Variants in BOK observed in about 807,000 individuals in gnomAD.
The protein encoded by BOK is BCL2 family apoptosis regulator BOK, also known as bcl-2-related ovarian killer protein.
In BOK, 20 loss-of-function variants were observed where a neutral mutation model predicts 18.3. That is an observed-to-expected ratio of 1.09 (90% CI 0.77 to 1.59). BOK has a LOEUF of 1.59. BOK is among the 40% of genes most tolerant of loss of function. The pLI is 0.00. For synonymous variants in BOK, 173 were observed against 142.4 expected (o/e 1.21, Z -1.53); for missense variants, 348 against 307.9 (o/e 1.13, Z -0.97).
Position 241,562,253 on chromosome 2 carries a change from C to A in BOK, c.221-95C>A. ...GAACAGGCTGGAATTCAAGCATGGT[C>A]AGGTGGGGGTCAGGTGCAGGGTGTG... On this transcript the variant is annotated intron_variant, in intron 2 of 4. Coordinates refer to ENST00000318407, the MANE Select transcript of BOK (RefSeq NM_032515.5). This position sits in a 1 kb window ranked among gnomAD's most constrained non-coding sequence, Gnocchi z 4.5. 3 of 1,434,838 alleles carry A rather than the reference C, an allele frequency of 2.1e-6. No individual in the cohort carries two copies. In the South Asian group the frequency reaches 4.1e-5, roughly 20 times the overall value. 88.9% of individuals were successfully genotyped at this position (1,434,838 alleles called of 1,614,324 possible). A position where few individuals can be genotyped will look rare whatever the true frequency, so the allele number is the denominator to read the frequency against.
At chr2:241,571,156 AC>A (rs2066712025) in intron 4 of BOK, among the ~76,000 whole-genome samples, 1 of 151,946 alleles carries the variant, frequency 6.6e-6, no homozygotes. Context: ...CAGATCCAGC[AC>A]TGACTTACCC....
intron 3 of BOK, 49 bp from the exon 4 acceptor site, chr2:241,570,076 C>A (rs1248473228): frequency 6.3e-7 from 1 of 1,578,618 alleles, no homozygotes; most frequent in African/African-American, 1.4e-5. Context: ...CTTAAGTGCT[C>A]CCGTGGGCGG....
At chr2:241,571,806 G>A (rs569910979) in intron 4 of BOK, among the ~76,000 whole-genome samples, 2 of 152,374 alleles carry the variant, frequency 1.3e-5, no homozygotes, top group African/African-American at 4.8e-5. Context: ...GAGTCCGTGG[G>A]CTTCCGGAAA....
intron 3 of BOK, among the ~76,000 whole-genome samples, chr2:241,569,115 G>T (rs1575002888): frequency 6.6e-6 from 1 of 152,172 alleles, no homozygotes; most frequent in Non-Finnish European, 1.5e-5. Flanking sequence ...TCCTCACACT[G>T]CCATTTAAAA....
Position 241,562,602 on chromosome 2 carries a change from T to A in BOK, c.349+126T>A. ...CGCTGCCCAGTGCCCACCGGTGCCATCTCACTGCTGCAGGTGTCAGGAGCT... is the reference window on the plus strand; with the variant it reads ...CGCTGCCCAGTGCCCACCGGTGCCAACTCACTGCTGCAGGTGTCAGGAGCT... On this transcript the variant is annotated intron_variant, in intron 3 of 4. Transcript: ENST00000318407. This position sits in a 1 kb window ranked among gnomAD's most constrained non-coding sequence, Gnocchi z 4.5. 7.9e-7 allele frequency: 1 copy of A among 1,264,364 alleles called. No individual in the cohort carries two copies. The highest frequency in any genetic ancestry group is 1.5e-5 in the African/African-American group (1 of 66,054). 78.3% of individuals were successfully genotyped at this position (1,264,364 alleles called of 1,614,324 possible).
intron 3 of BOK, among the ~76,000 whole-genome samples, chr2:241,563,991 G>T (rs892882232): frequency 6.6e-6 from 1 of 152,204 alleles, no homozygotes; most frequent in African/African-American, 2.4e-5. Flanking sequence ...AGCCAGATGG[G>T]GACAGAGCGG....
At chr2:241,552,961 G>A (rs887162889) in intron 1 of BOK, among the ~76,000 whole-genome samples, 1 of 152,146 alleles carries the variant, frequency 6.6e-6, no homozygotes, top group South Asian at 2.1e-4. Flanking sequence ...ACAACCCTCT[G>A]CCTGGTTTTG....
Position 241,572,380 on chromosome 2 carries a change from C to A in BOK, c.597C>A (p.Arg199=). The A allele has an allele frequency of 6.2e-7, 1 of 1,605,272 alleles. No individual in the cohort carries two copies. Among genetic ancestry groups the A allele is most frequent in the African/African-American group, 1.3e-5 (1 of 75,034 alleles). ...WLVAALCSFG[R]FLKAAFFVLL... is the part of the protein sequence containing the mutation. Reference sequence around the variant, plus strand: ...TGGCTGCACTCTGCAGCTTCGGCCGCTTCCTGAAGGCTGCCTTCTTCGTGC... The same window carrying A: ...TGGCTGCACTCTGCAGCTTCGGCCGATTCCTGAAGGCTGCCTTCTTCGTGC... The change falls in exon 5 of 5, where the codon CGC becomes CGA. Residue 199 remains arginine, a synonymous_variant. Transcript: ENST00000318407.
intron 4 of BOK, among the ~76,000 whole-genome samples, chr2:241,572,065 C>G (rs1417614591): frequency 6.6e-6 from 1 of 152,238 alleles, no homozygotes; most frequent in African/African-American, 2.4e-5. Flanking sequence ...GCCATCTGTC[C>G]CCACCTCCCG....
At chr2:241,559,367 T>G (rs2066487425) in intron 1 of BOK, 88 bp from the exon 2 acceptor site, 1 of 828,720 alleles carries the variant, frequency 1.2e-6, no homozygotes, top group South Asian at 4.5e-5. Context: ...GCTACGGCCC[T>G]TCCCGAGGGC....
intron 3 of BOK, among the ~76,000 whole-genome samples, chr2:241,568,967 C>T (rs953039275): frequency 6.6e-6 from 1 of 150,934 alleles, no homozygotes; most frequent in Non-Finnish European, 1.5e-5. Flanking sequence ...GGGACCACTG[C>T]TGACTCCCTC....
At chr2:241,565,463 T>C (rs2066596122) in intron 3 of BOK, among the ~76,000 whole-genome samples, 1 of 151,830 alleles carries the variant, frequency 6.6e-6, no homozygotes, top group Admixed American at 6.6e-5. Context: ...CCCAGTCCTC[T>C]TGGGCCCTTT....
chr2:241,570,046 C>G (rs1468276168), intron 3 of BOK, 79 bp from the exon 4 acceptor site: 2 of 1,491,218 alleles, frequency 1.3e-6, no homozygotes, highest in African/African-American at 2.8e-5. Context: ...GACAGCGGCT[C>G]AGAGAGGCCC....
At position 241,559,657 on chromosome 2, in the gene BOK, G is replaced by T; in HGVS notation, c.174G>T (p.Pro58=). The change falls in exon 2 of 5, where the codon CCG becomes CCT. Residue 58 remains proline (P), a synonymous_variant. Coordinates refer to ENST00000318407, the MANE Select transcript of BOK (RefSeq NM_032515.5). ...LSWSAPERAA[P]VPGRLAEVCA... ...GGAGCGCGCCCGAGCGTGCCGCGCCGGTCCCGGGACGCCTGGCTGAGGTGT... is the reference window on the plus strand; with the variant it reads ...GGAGCGCGCCCGAGCGTGCCGCGCCTGTCCCGGGACGCCTGGCTGAGGTGT... The T allele has an allele frequency of 7.2e-7, 1 of 1,387,040 alleles. No individual in the cohort carries two copies. The highest frequency in any genetic ancestry group is 9.3e-7 in the Non-Finnish European group (1 of 1,079,316). The allele number at this position is 1,387,040 out of a possible 1,614,324, so 85.9% of individuals were successfully genotyped here.
At chr2:241,569,476 T>G (rs2066671149) in intron 3 of BOK, among the ~76,000 whole-genome samples, 2 of 152,196 alleles carry the variant, frequency 1.3e-5, no homozygotes, top group Admixed American at 1.3e-4. Context: ...TAATTTGCCT[T>G]TCTTTGGTTA....
chr2:241,559,806 C>A (rs1439208398), intron 2 of BOK, 103 bp downstream of exon 2: 7 of 1,217,772 alleles, frequency 5.7e-6, no homozygotes, highest in Non-Finnish European at 7.2e-6. Context: ...GCGCCCACCC[C>A]CTGCCTGGGA....
Position 241,559,530 on chromosome 2 carries a change from A to G in BOK, c.47A>G (p.Asp16Gly). Residue 16 changes from aspartate (D) to glycine (G), a missense_variant, in exon 2 of 5, where the codon GAC (aspartate) becomes GGC (glycine). By Grantham distance (94) the Asp-to-Gly change is moderately conservative. Transcript: ENST00000318407. ...RSSVFAAEIM[D>G]AFDRSPTDKE... ...TCGGTCTTCGCCGCCGAGATCATGG[A>G]CGCCTTTGACCGCTCGCCCACAGAC... The G allele has an allele frequency of 2.0e-6, 3 of 1,516,730 alleles. No individual in the cohort carries two copies. Among genetic ancestry groups the G allele is most frequent in the Non-Finnish European group, 8.8e-7 (1 of 1,141,074 alleles). The allele number at this position is 1,516,730 out of a possible 1,614,324, so 94.0% of individuals were successfully genotyped here. A position where few individuals can be genotyped will look rare whatever the true frequency, so the allele number is the denominator to read the frequency against.
chr2:241,554,431 G>C (rs1323686586), upstream of BOK, among the ~76,000 whole-genome samples: 2 of 152,214 alleles, frequency 1.3e-5, no homozygotes, highest in Admixed American at 6.5e-5. Context: ...GAGTGAGCAG[G>C]CTCTTATGGA....
chr2:241,568,342 G>A (rs1462828190), intron 3 of BOK, among the ~76,000 whole-genome samples: 2 of 151,996 alleles, frequency 1.3e-5, no homozygotes, highest in Admixed American at 1.3e-4. Context: ...GGATGGTTTC[G>A]ATCTCCTGAC....
Sources: allele counts gnomAD v4.1 joint callset (sites outside exome capture counted in the v4.1 genomes callset), GRCh38; gene constraint gnomAD v4.1.1; non-coding constraint Gnocchi (gnomAD v3.1); transcripts MANE v1.5; gene names NCBI Gene and HGNC (gene_info 2026-07-23, HGNC 2026-07-21).